Variants in SH3BP2 observed in about 807,000 individuals in gnomAD.
The protein encoded by SH3BP2 is SH3 domain-binding protein 2.
A neutral mutation model predicts 56.2 loss-of-function variants in SH3BP2; 38 were observed. That is an observed-to-expected ratio of 0.68 (90% CI 0.52 to 0.89). The LOEUF is 0.89. Among genes scored for constraint, SH3BP2 ranks in the 40% least tolerant of loss-of-function variants. The pLI, the probability that SH3BP2 is intolerant of heterozygous loss-of-function variation, is 0.00. For synonymous variants in SH3BP2, 346 were observed against 316.7 expected (o/e 1.09, Z -0.98); for missense variants, 748 against 762.6 (o/e 0.98, Z 0.23).
At position 2,832,340 on chromosome 4, in the gene SH3BP2, G is replaced by A. The variant is rs201375256; in HGVS notation, c.1416G>A (p.Lys472=). Residue 472 remains lysine (K), a synonymous_variant, in exon 11 of 13, where the codon AAG becomes AAA. Transcript: ENST00000503393. ...TESCEVERLF[K]ATSPRGEPQD... ...GACTGTCTTATTTTAGGTTGTTCAA[G>A]GCTACAAGCCCCCGGGGAGAGCCCC... The A allele has an allele frequency of 1.8e-5, 29 of 1,613,882 alleles. No individual in the cohort carries two copies. Among genetic ancestry groups the A allele is most frequent in the Non-Finnish European group, 2.1e-5 (25 of 1,179,896 alleles).
Position 2,829,621 on chromosome 4 carries a change from C to A in SH3BP2, c.715C>A (p.Pro239Thr), listed in dbSNP as rs1169844304. ...CCCCGGTCCCCTACTGCCACCCCCG[C>A]CCCCTAAGCACGGCCTCCCAGATGT... ...KGPGPLLPPP[P>T]PKHGLPDVGL... The change falls in exon 8 of 13, where the codon CCC becomes ACC. Residue 239 changes from proline to threonine, a missense_variant. Pro to Thr is a conservative substitution (Grantham distance 38). This residue lies in a region of SH3BP2 where 635 missense variants were observed against 615.0 expected (regional missense o/e 1.03). Transcript: ENST00000503393. This position sits in a 1 kb window ranked among gnomAD's most constrained non-coding sequence, Gnocchi z 4.9. The A allele has an allele frequency of 2.5e-6, 4 of 1,612,672 alleles. No individual in the cohort carries two copies. In the South Asian group the frequency reaches 3.3e-5, roughly 13 times the overall value.
rs546177929 is a variant in SH3BP2, at chr4:2,805,940, G to C, written c.-5+12802G>C. Among the ~76,000 whole-genome samples the C allele has an allele frequency of 5.9e-5, 9 of 152,302 alleles. No homozygotes were observed. In the East Asian group the frequency reaches 1.7e-3, roughly 29 times the overall value. ...TCTGTGCCAAGGGCCGCGGGGAGAC[G>C]CCTGTTCTGGAGGCCAGGCCCGCAG... On this transcript the variant is annotated intron_variant, in intron 1 of 12. Coordinates refer to ENST00000503393, the MANE Select transcript of SH3BP2 (RefSeq NM_001122681.2).
intron 3 of SH3BP2, 84 bp from the exon 4 acceptor site, chr4:2,824,529 G>A (rs951149979): frequency 4.2e-5 from 42 of 1,011,074 alleles, no homozygotes; most frequent in Non-Finnish European, 2.0e-5. Flanking sequence ...TGCTGGTGCC[G>A]AGACGTGTTC....
chr4:2,794,482 G>A (rs902014583), intron 1 of SH3BP2, among the ~76,000 whole-genome samples: 7 of 152,176 alleles, frequency 4.6e-5, no homozygotes, highest in Admixed American at 1.3e-4. Context: ...GGCCTGGGAC[G>A]AGGGCTGCAA....
At chr4:2,807,217 C>T (rs527562950) in intron 1 of SH3BP2, among the ~76,000 whole-genome samples, 19 of 152,316 alleles carry the variant, frequency 1.2e-4, no homozygotes, top group African/African-American at 4.3e-4. Flanking sequence ...GGAAGGGCCT[C>T]AGCTGCGGCC....
Position 2,813,611 on chromosome 4 carries a change from T to C in SH3BP2, c.-4-7003T>C, listed in dbSNP as rs1463302817. Among the ~76,000 whole-genome samples, 4 of 152,318 alleles carry C rather than the reference T, an allele frequency of 2.6e-5. No homozygotes were observed. The East Asian group carries it at 7.7e-4, about 29-fold the overall frequency. The stretch of plus-strand genomic sequence containing the variant: ...GGTGGTGATGATTCTGTGCTCAGGC[T>C]TCAGGACACGGAGACACAGAAGACC... On this transcript the variant is annotated intron_variant, in intron 1 of 12. Transcript: ENST00000503393.
intron 7 of SH3BP2, among the ~76,000 whole-genome samples, chr4:2,828,760 G>T (rs575268974): frequency 6.6e-6 from 1 of 151,998 alleles, no homozygotes; most frequent in African/African-American, 2.4e-5. Context: ...GACATTTCTC[G>T]TCCAGGACGC....
chr4:2,816,669 C>G (rs530396595), intron 1 of SH3BP2, among the ~76,000 whole-genome samples: 1 of 152,316 alleles, frequency 6.6e-6, no homozygotes, highest in Admixed American at 6.5e-5. Flanking sequence ...TGAATTTTGT[C>G]AAACACTTGT....
intron 1 of SH3BP2, among the ~76,000 whole-genome samples, chr4:2,819,878 G>A (rs574489543): frequency 1.3e-5 from 2 of 151,864 alleles, no homozygotes; most frequent in African/African-American, 2.4e-5. Flanking sequence ...GGAGTAGGGG[G>A]CAGGGCATGA....
chr4:2,815,821 G>A (rs1426218351), intron 1 of SH3BP2, among the ~76,000 whole-genome samples: 1 of 152,166 alleles, frequency 6.6e-6, no homozygotes, highest in Admixed American at 6.5e-5. Flanking sequence ...GGTCTGAGCT[G>A]GTGAGGATGG....
intron 1 of SH3BP2, among the ~76,000 whole-genome samples, chr4:2,798,274 T>C (rs1723125347): frequency 6.6e-6 from 1 of 152,200 alleles, no homozygotes; most frequent in East Asian, 1.9e-4. Context: ...CCTAAACGTG[T>C]GTTGGCTTGA....
intron 7 of SH3BP2, among the ~76,000 whole-genome samples, chr4:2,828,750 G>A (rs73082318): frequency 0.13 from 19,087 of 152,190 alleles, 1,969 homozygotes; most frequent in African/African-American, 0.28. Flanking sequence ...CTCTCCCCGA[G>A]ACATTTCTCG....
At chr4:2,823,558 C>G (rs1171921469) in intron 3 of SH3BP2, 1 of 455,938 alleles carries the variant, frequency 2.2e-6, no homozygotes, top group Non-Finnish European at 4.4e-6. Context: ...GGAGGGCCTT[C>G]TGCACTAACA....
chr4:2,805,771 A>G (rs956079401), intron 1 of SH3BP2, among the ~76,000 whole-genome samples: 1 of 152,180 alleles, frequency 6.6e-6, no homozygotes, highest in Non-Finnish European at 1.5e-5. Flanking sequence ...ATTGGGGTCC[A>G]GCCCAGGGGA....
chr4:2,827,683 G>A lies in SH3BP2; in HGVS notation c.586+9G>A. On this transcript the variant is annotated intron_variant, in intron 7 of 12. Transcript: ENST00000503393. ...GCCCGGAAGGCTTGAGGGTAGGTGG[G>A]GCGGGTGGGCCCGGGGAGCTCTGGG... 3.8e-6 allele frequency: 6 copies of A among 1,568,594 alleles called. No individual in the cohort carries two copies. The South Asian group carries it at 5.8e-5, about 15-fold the overall frequency.
intron 1 of SH3BP2, chr4:2,818,989 C>A: frequency 1.3e-6 from 1 of 757,384 alleles, no homozygotes; most frequent in Non-Finnish European, 1.6e-6. Context: ...GACTGGAGAG[C>A]AGTGGCCAAT....
chr4:2,823,627 G>A lies in SH3BP2; in HGVS notation c.239+590G>A, dbSNP rs192245763. ...GGGGGAGTGCACTGGCACAGCCCATGGCCTGGGGCCCACACAAAGGGTTAA... is the reference window on the plus strand; with the variant it reads ...GGGGGAGTGCACTGGCACAGCCCATAGCCTGGGGCCCACACAAAGGGTTAA... On this transcript the variant is annotated intron_variant, in intron 3 of 12. Coordinates refer to ENST00000503393, the MANE Select transcript of SH3BP2 (RefSeq NM_001122681.2). The A allele has an allele frequency of 3.5e-4, 146 of 419,520 alleles. 1 individual carries two copies. Among genetic ancestry groups the A allele is most frequent in the African/African-American group, 2.8e-3 (136 of 49,166 alleles). 26.0% of individuals were successfully genotyped at this position (419,520 alleles called of 1,614,324 possible). A position where few individuals can be genotyped will look rare whatever the true frequency, so the allele number is the denominator to read the frequency against.
In SH3BP2 at chr4:2,825,113, CG is replaced by C. The variant is rs1724529719; in HGVS notation, c.358-12del. 1 of 1,563,406 alleles carries C rather than the reference CG, an allele frequency of 6.4e-7. No individual in the cohort carries two copies. Among genetic ancestry groups the C allele is most frequent in the African/African-American group, 1.4e-5 (1 of 73,632 alleles). On this transcript the variant is annotated splice_polypyrimidine_tract_variant and intron_variant, in intron 4 of 12. Transcript: ENST00000503393. ...GGTGGCACCGTGCCCACCACAGCCC[CG>C]CTGACCTGCAGAGCTGGATGGCCTT...
intron 1 of SH3BP2, among the ~76,000 whole-genome samples, chr4:2,802,187 TC>T (rs1201286943): frequency 2.0e-5 from 3 of 152,072 alleles, no homozygotes; most frequent in African/African-American, 7.2e-5. Flanking sequence ...TCACCTGAGG[TC>T]AGGAGTTCAA....
Sources: allele counts gnomAD v4.1 joint callset (sites outside exome capture counted in the v4.1 genomes callset), GRCh38; gene constraint gnomAD v4.1.1; regional missense constraint gnomAD v4.1.1; non-coding constraint Gnocchi (gnomAD v3.1); transcripts MANE v1.5; gene names NCBI Gene and HGNC (gene_info 2026-07-23, HGNC 2026-07-21).